MKX: variants seen among roughly 807,000 people sequenced by gnomAD.
MKX encodes mohawk homeobox.
In MKX, 13 loss-of-function variants were observed where a neutral mutation model predicts 36.0. That is an observed-to-expected ratio of 0.36 (90% CI 0.24 to 0.57). The LOEUF (loss-of-function observed/expected upper bound fraction) is 0.57, where lower values mean the gene tolerates loss of function less well. Ranked by LOEUF, MKX falls within the 20% of genes least tolerant of loss-of-function variation. The pLI, the probability that MKX is intolerant of heterozygous loss-of-function variation, is 0.79. For missense variants in MKX, 458 were observed against 456.4 expected (o/e 1.00, Z -0.03); for synonymous variants, 176 against 178.3 (o/e 0.99, Z 0.10).
At chr10:27,696,625 A>G (rs1401988528) in intron 5 of MKX, among the ~76,000 whole-genome samples, 1 of 152,162 alleles carries the variant, frequency 6.6e-6, no homozygotes, top group African/African-American at 2.4e-5. Flanking sequence ...ATTGGTTAGT[A>G]GCCATAATAT....
rs1418208027 is a variant in MKX at position 27,675,489 on chromosome 10, G to A, written c.872+32C>T. 6.8e-6 allele frequency: 11 copies of A among 1,614,128 alleles called. No homozygotes were observed. In the Admixed American group the frequency reaches 1.5e-4, roughly 22 times the overall value. ...GCATTGAAAATGCCATCGCTGAAAA[G>A]CAGGAACGGCCAATGGGAACATTTT... is the stretch of plus-strand genomic sequence containing the variant. On this transcript the variant is annotated intron_variant, in intron 6 of 6. Coordinates refer to ENST00000419761, the MANE Select transcript of MKX (RefSeq NM_173576.3).
At chr10:27,708,135 C>T (rs188822140) in intron 5 of MKX, among the ~76,000 whole-genome samples, 161 of 152,248 alleles carry the variant, frequency 1.1e-3, no homozygotes, top group Non-Finnish European at 1.8e-3. Flanking sequence ...GAAATCCTTC[C>T]AACCATAGAA....
At chr10:27,711,499 T>TTCCTTCCTTCC (rs1554772225) in intron 5 of MKX, among the ~76,000 whole-genome samples, 2,139 of 92,346 alleles carry the variant, frequency 0.023, 46 homozygotes, top group East Asian at 0.05. Flanking sequence ...CTCTCTCTTC[T>TTCCTTCCTTCC]TTCCTTCCTT....
intron 5 of MKX, among the ~76,000 whole-genome samples, chr10:27,676,526 C>T (rs1026525252): frequency 2.6e-5 from 4 of 151,668 alleles, no homozygotes; most frequent in Admixed American, 1.3e-4. Flanking sequence ...TACAGGCACC[C>T]GCCACCAAGC....
rs148932598 is a variant in MKX, at chr10:27,673,464, A to G, written c.*1765T>C. ...CTTTAGTTTTCATTGACATGCTCAC[A>G]TTTTGGCATTTTTGTATTGTTTTGC... is the stretch of plus-strand genomic sequence containing the variant. On this transcript the variant is annotated 3_prime_UTR_variant, in exon 7 of 7. Coordinates refer to ENST00000419761, the MANE Select transcript of MKX (RefSeq NM_173576.3). 2.2e-4 allele frequency: 33 copies of G among 152,682 alleles called. 1 individual carries two copies. The East Asian group carries it at 6.0e-3, about 28-fold the overall frequency. 9.5% of individuals were successfully genotyped at this position (152,682 alleles called of 1,614,324 possible). A position where few individuals can be genotyped will look rare whatever the true frequency, so the allele number is the denominator to read the frequency against.
intron 5 of MKX, among the ~76,000 whole-genome samples, chr10:27,711,970 T>C (rs569760468): frequency 1.3e-5 from 2 of 152,210 alleles, no homozygotes; most frequent in East Asian, 3.9e-4. Context: ...TTTTGTTGGA[T>C]CAACTGACCT....
At position 27,691,919 on chromosome 10, in the gene MKX, G is replaced by A. The variant is rs551270423; in HGVS notation, c.839-16365C>T. Among the ~76,000 whole-genome samples, 8 of 152,316 alleles carry A rather than the reference G, an allele frequency of 5.3e-5. No homozygotes were observed. In the South Asian group the frequency reaches 1.7e-3, roughly 32 times the overall value. On this transcript the variant is annotated intron_variant, in intron 5 of 6. Coordinates refer to ENST00000419761, the MANE Select transcript of MKX (RefSeq NM_173576.3). ...TTATGACTGTGTAGTGTTCCATGGT[G>A]TATATGTACCTCACTTTCTTTATCC...
At chr10:27,743,554 A>G in intron 1 of MKX, 57 bp from the exon 2 acceptor site, 6 of 954,134 alleles carry the variant, frequency 6.3e-6, no homozygotes, top group Non-Finnish European at 8.8e-6. Context: ...AGACCCCTGC[A>G]GGTTCAGGGC....
chr10:27,740,471 A>G (rs988441479), intron 3 of MKX, among the ~76,000 whole-genome samples: 9 of 152,226 alleles, frequency 5.9e-5, no homozygotes, highest in Admixed American at 1.3e-4. Flanking sequence ...ATTTATTTCC[A>G]GGCCTGTCTT....
intron 5 of MKX, among the ~76,000 whole-genome samples, chr10:27,727,283 C>T (rs1834512419): frequency 6.6e-6 from 1 of 152,196 alleles, no homozygotes. Flanking sequence ...TAGGATTTTT[C>T]GGGCTCTCAC....
chr10:27,711,345 G>A (rs2132592411), intron 5 of MKX, among the ~76,000 whole-genome samples: 1 of 152,110 alleles, frequency 6.6e-6, no homozygotes, highest in East Asian at 1.9e-4. Flanking sequence ...GCTATTTTAT[G>A]TCATTATCTA....
chr10:27,679,321 G>T (rs1836211215), intron 5 of MKX, among the ~76,000 whole-genome samples: 1 of 151,418 alleles, frequency 6.6e-6, no homozygotes, highest in African/African-American at 2.4e-5. Flanking sequence ...AGAATAGTGT[G>T]AAAACTGCAT....
chr10:27,674,349 C>A lies in MKX; in HGVS notation c.*880G>T, dbSNP rs574421072. ...ATAAAAGATTTTTAGTCATTCCATACGAACACAGTTTCCATCACAAAAAGA... is the reference window on the plus strand; with the variant it reads ...ATAAAAGATTTTTAGTCATTCCATAAGAACACAGTTTCCATCACAAAAAGA... On this transcript the variant is annotated 3_prime_UTR_variant, in exon 7 of 7. Coordinates refer to ENST00000419761, the MANE Select transcript of MKX (RefSeq NM_173576.3). 6.6e-6 allele frequency: 1 copy of A among 152,628 alleles called. No individual in the cohort carries two copies. Among genetic ancestry groups the A allele is most frequent in the South Asian group, 2.1e-4 (1 of 4,828 alleles). The allele number at this position is 152,628 out of a possible 1,614,324, so 9.5% of individuals were successfully genotyped here.
At chr10:27,735,494 A>G (rs968632053) in intron 3 of MKX, 120 bp from the exon 4 acceptor site, 3 of 708,494 alleles carry the variant, frequency 4.2e-6, no homozygotes, top group Non-Finnish European at 6.6e-6. Context: ...TTCTCAGGAC[A>G]TAAGAATACC....
intron 1 of MKX, 181 bp from the exon 2 acceptor site, chr10:27,743,678 G>T: frequency 4.1e-6 from 2 of 482,206 alleles, no homozygotes; most frequent in Non-Finnish European, 7.2e-6. Context: ...GCCCCTGCAG[G>T]TTCCCCGGAC....
At position 27,742,870 on chromosome 10, in the gene MKX, A is replaced by T. The variant is rs184593035; in HGVS notation, c.188+358T>A. Among the ~76,000 whole-genome samples the T allele has an allele frequency of 6.6e-6, 1 of 152,164 alleles. No homozygotes were observed. Among genetic ancestry groups the T allele is most frequent in the African/African-American group, 2.4e-5 (1 of 41,538 alleles). On this transcript the variant is annotated intron_variant, in intron 2 of 6. Coordinates refer to ENST00000419761, the MANE Select transcript of MKX (RefSeq NM_173576.3). This position sits in a 1 kb window ranked among gnomAD's most constrained non-coding sequence, Gnocchi z 4.2. ...TGCTCGGCTTCGCCTGTTTCTCTGCACCGAGCTCAGTCCTTTTTCCTCGCC... is the reference window on the plus strand; with the variant it reads ...TGCTCGGCTTCGCCTGTTTCTCTGCTCCGAGCTCAGTCCTTTTTCCTCGCC...
In MKX at chr10:27,742,582, G is replaced by A. The variant is rs73604055; in HGVS notation, c.188+646C>T. Reference sequence around the variant, plus strand: ...AGGCAGAGCCTGCCCTCCACTCACCGGCAGTCTGAGCAGCTGGCCCACCCG... The same window carrying A: ...AGGCAGAGCCTGCCCTCCACTCACCAGCAGTCTGAGCAGCTGGCCCACCCG... On this transcript the variant is annotated intron_variant, in intron 2 of 6. Transcript: ENST00000419761. The surrounding 1 kb of genome is among the most constrained non-coding windows in gnomAD (Gnocchi z 4.2). Among the ~76,000 whole-genome samples the A allele has an allele frequency of 0.013, 1,952 of 151,948 alleles. 33 individuals are homozygous for A. The highest frequency in any genetic ancestry group is 0.044 in the African/African-American group (1,836 of 41,460).
chr10:27,721,648 G>T (rs1237124161), intron 5 of MKX, among the ~76,000 whole-genome samples: 1 of 152,150 alleles, frequency 6.6e-6, no homozygotes, highest in African/African-American at 2.4e-5. Context: ...GGGAGGGAAA[G>T]CATCAGGAAA....
At chr10:27,715,933 T>C (rs1836956206) in intron 5 of MKX, among the ~76,000 whole-genome samples, 1 of 152,104 alleles carries the variant, frequency 6.6e-6, no homozygotes, top group Non-Finnish European at 1.5e-5. Flanking sequence ...GAGGAAGACA[T>C]AAAAGCAGGT....
Sources: allele counts gnomAD v4.1 joint callset (sites outside exome capture counted in the v4.1 genomes callset), GRCh38; gene constraint gnomAD v4.1.1; non-coding constraint Gnocchi (gnomAD v3.1); transcripts MANE v1.5; gene names NCBI Gene and HGNC (gene_info 2026-07-23, HGNC 2026-07-21).